TRAK2: variants seen among roughly 807,000 people sequenced by gnomAD.
The protein encoded by TRAK2 is trafficking kinesin-binding protein 2.
In TRAK2, 81 loss-of-function variants were observed where a neutral mutation model predicts 104.6. The observed-to-expected ratio is 0.77, with a 90% confidence interval of 0.65 to 0.93. TRAK2 has a LOEUF of 0.93. Among genes scored for constraint, TRAK2 ranks in the 40% least tolerant of loss-of-function variants. TRAK2 has a pLI of 0.00. For synonymous variants in TRAK2, 406 were observed against 394.4 expected (o/e 1.03, Z -0.35); for missense variants, 1,002 against 1,089.0 (o/e 0.92, Z 1.12).
chr2:201,377,921 G>A lies in TRAK2; in HGVS notation c.*2622C>T, dbSNP rs1170975624. On this transcript the variant is annotated 3_prime_UTR_variant, in exon 16 of 16. Coordinates refer to ENST00000332624, the MANE Select transcript of TRAK2 (RefSeq NM_015049.3). ...TGAGGTTTCCTATACTGGCATGAAA[G>A]TACACATACAATTTTTATCGTAGAA... 2.0e-5 allele frequency: 3 copies of A among 151,790 alleles called. No homozygotes were observed. The East Asian group carries it at 5.8e-4, about 29-fold the overall frequency. The allele number at this position is 151,790 out of a possible 1,614,324, so 9.4% of individuals were successfully genotyped here.
chr2:201,450,109 AC>A (rs778877969), intron 1 of TRAK2, among the ~76,000 whole-genome samples: 67 of 152,242 alleles, frequency 4.4e-4, no homozygotes, highest in Admixed American at 1.1e-3. Context: ...GCTGGACATT[AC>A]TTAATTTTAA....
chr2:201,410,418 C>A (rs1302495101), intron 2 of TRAK2: 1 of 575,030 alleles, frequency 1.7e-6, no homozygotes, highest in Non-Finnish European at 3.1e-6. Context: ...CTGGCATGGA[C>A]ACAGATGTTT....
At chr2:201,438,838 T>C (rs1417811410) in intron 1 of TRAK2, among the ~76,000 whole-genome samples, 1 of 152,230 alleles carries the variant, frequency 6.6e-6, no homozygotes, top group East Asian at 1.9e-4. Context: ...TGAGGCAGAA[T>C]AATCTGTGTG....
intron 1 of TRAK2, among the ~76,000 whole-genome samples, chr2:201,441,499 A>G (rs569044051): frequency 6.6e-6 from 1 of 152,328 alleles, no homozygotes; most frequent in African/African-American, 2.4e-5. Flanking sequence ...GTAACTAAAA[A>G]TAAAACAAAG....
At chr2:201,412,796 T>A (rs1400726929) in intron 2 of TRAK2, 10 of 1,042,088 alleles carry the variant, frequency 9.6e-6, no homozygotes, top group Admixed American at 1.7e-5. Context: ...TGTACCATTT[T>A]CACACTGCTA....
intron 2 of TRAK2, chr2:201,411,957 C>T (rs1238939750): frequency 2.0e-5 from 19 of 951,392 alleles, no homozygotes; most frequent in Admixed American, 3.4e-5. Flanking sequence ...GCTTCTAGTG[C>T]TCTGTAAACC....
In TRAK2 at chr2:201,409,952, T is replaced by C. The variant is rs186598230; in HGVS notation, c.92-2355A>G. ...GATTAAAAAATTCAGCTATTCAAGATAACTCAGTTGTCCTTTTTCTCTTTG... is the reference window on the plus strand; with the variant it reads ...GATTAAAAAATTCAGCTATTCAAGACAACTCAGTTGTCCTTTTTCTCTTTG... On this transcript the variant is annotated intron_variant, in intron 2 of 15. Coordinates refer to ENST00000332624, the MANE Select transcript of TRAK2 (RefSeq NM_015049.3). 2.9e-3 allele frequency among the ~76,000 whole-genome samples: 440 copies of C among 152,340 alleles called. 4 individuals are homozygous for C. The highest frequency in any genetic ancestry group is 9.6e-3 in the African/African-American group (401 of 41,578).
intron 2 of TRAK2, among the ~76,000 whole-genome samples, chr2:201,410,170 C>T (rs1951632348): frequency 6.6e-6 from 1 of 152,038 alleles, no homozygotes. Flanking sequence ...GGCGTGGTGG[C>T]GGGCGCCTGC....
intron 2 of TRAK2, among the ~76,000 whole-genome samples, chr2:201,417,058 GTAACT>G (rs372333174): frequency 0.97 from 146,571 of 151,074 alleles, 71,262 homozygotes; most frequent in East Asian, 1. Context: ...GGAGTTAAAT[GTAACT>G]CCACATTAAC....
At chr2:201,426,773 C>G (rs9288320) in intron 1 of TRAK2, among the ~76,000 whole-genome samples, 8,287 of 152,236 alleles carry the variant, frequency 0.054, 425 homozygotes, top group African/African-American at 0.14. Context: ...GCACCAAGTC[C>G]AGGGTGATCT....
intron 3 of TRAK2, among the ~76,000 whole-genome samples, chr2:201,405,475 T>C (rs1951585805): frequency 6.6e-6 from 1 of 152,204 alleles, no homozygotes; most frequent in Admixed American, 6.5e-5. Context: ...AGGAAGACTC[T>C]TTAAAACACA....
At chr2:201,405,978 C>T (rs564385750) in intron 3 of TRAK2, among the ~76,000 whole-genome samples, 32 of 151,700 alleles carry the variant, frequency 2.1e-4, no homozygotes, top group Non-Finnish European at 4.0e-4. Flanking sequence ...AACGAGACTC[C>T]GTCTCAAAAA....
intron 10 of TRAK2, among the ~76,000 whole-genome samples, chr2:201,390,868 C>G (rs1250806124): frequency 6.6e-6 from 1 of 151,510 alleles, no homozygotes; most frequent in Non-Finnish European, 1.5e-5. Flanking sequence ...GGGGTGAGGA[C>G]TCAACTAATA....
intron 1 of TRAK2, among the ~76,000 whole-genome samples, chr2:201,445,938 C>T (rs970443723): frequency 5.9e-5 from 9 of 152,058 alleles, no homozygotes; most frequent in Non-Finnish European, 1.0e-4. Flanking sequence ...ATCACATTTA[C>T]GCATGGATTA....
At chr2:201,445,939 G>A (rs1476538985) in intron 1 of TRAK2, among the ~76,000 whole-genome samples, 1 of 152,130 alleles carries the variant, frequency 6.6e-6, no homozygotes, top group Non-Finnish European at 1.5e-5. Flanking sequence ...TCACATTTAC[G>A]CATGGATTAT....
At chr2:201,391,003 G>C (rs1187547673) in intron 10 of TRAK2, among the ~76,000 whole-genome samples, 2 of 151,788 alleles carry the variant, frequency 1.3e-5, no homozygotes, top group African/African-American at 4.8e-5. Context: ...ATATAGTATA[G>C]GTATAGGTAT....
At chr2:201,444,807 T>C (rs1196312009) in intron 1 of TRAK2, among the ~76,000 whole-genome samples, 1 of 151,854 alleles carries the variant, frequency 6.6e-6, no homozygotes, top group Non-Finnish European at 1.5e-5. Flanking sequence ...AAGAGGAATA[T>C]AATATGCCAG....
chr2:201,384,447 T>C (rs908717190), intron 14 of TRAK2, among the ~76,000 whole-genome samples: 1 of 151,674 alleles, frequency 6.6e-6, no homozygotes, highest in African/African-American at 2.4e-5. Flanking sequence ...TAAACAAAGA[T>C]TAGAAATGAG....
Position 201,387,748 on chromosome 2 carries a change from G to A in TRAK2, c.1651C>T (p.Arg551Ter), listed in dbSNP as rs773544274. 12 of 1,611,716 alleles carry A rather than the reference G, an allele frequency of 7.4e-6. No homozygotes were observed. The highest frequency in any genetic ancestry group is 8.5e-6 in the Non-Finnish European group (10 of 1,178,680). ...TGTAATTTTTCTGGCATAAAACCTC[G>A]AAGGCAACTGGCACTGCTGAGGTCT... ...ITDLSSASCL[R>*]GFMPEKLQIV... The change falls in exon 13 of 16, where the codon CGA becomes TGA. Residue 551 changes from arginine (R) to a stop codon, truncating the protein, a stop_gained. Transcript: ENST00000332624. LOFTEE classifies it high-confidence loss of function.
Sources: gnomAD v4.1 joint callset for allele counts (sites outside exome capture counted in the v4.1 genomes callset) on GRCh38, gnomAD v4.1.1 for gene constraint, MANE v1.5 for transcripts, NCBI Gene and HGNC (gene_info 2026-07-23, HGNC 2026-07-21) for gene names.